BRF1: variants seen among roughly 807,000 people sequenced by gnomAD.
BRF1 encodes transcription factor IIIB 90 kDa subunit.
In BRF1, 59 loss-of-function variants were observed where a neutral mutation model predicts 81.7. That is an observed-to-expected ratio of 0.72 (90% confidence interval 0.59 to 0.90). BRF1 has a LOEUF of 0.90. Ranked by LOEUF, BRF1 falls within the 40% of genes least tolerant of loss-of-function variation. The probability of loss-of-function intolerance (pLI) is 0.00; values close to 1 mark genes in which losing one functional copy is unlikely to be tolerated. For synonymous variants in BRF1, 491 were observed against 395.6 expected (o/e 1.24, Z -2.86); for missense variants, 1,050 against 936.3 (o/e 1.12, Z -1.58).
rs2056663434 is a variant in BRF1, at chr14:105,271,702, G to A, written c.439+1019C>T. Among the ~76,000 whole-genome samples, 1 of 152,230 alleles carries A rather than the reference G, an allele frequency of 6.6e-6. No individual in the cohort carries two copies. The highest frequency in any genetic ancestry group is 6.5e-5 in the Admixed American group (1 of 15,290). On this transcript the variant is annotated intron_variant, in intron 3 of 17. Coordinates refer to ENST00000547530, the MANE Select transcript of BRF1 (RefSeq NM_001519.4). This position sits in a 1 kb window ranked among gnomAD's most constrained non-coding sequence, Gnocchi z 5.5. ...CTGGGCTCCCTGTCAAGAGGCCGAA[G>A]GCAGCTCCTGACCCATGTGTGTGTC...
chr14:105,279,552 C>T (rs1456163423), intron 2 of BRF1, among the ~76,000 whole-genome samples: 2 of 152,178 alleles, frequency 1.3e-5, no homozygotes, highest in African/African-American at 4.8e-5. Context: ...GCTGATGATG[C>T]CACATGTGAA....
At chr14:105,212,312 T>C (rs1890247287) in intron 15 of BRF1, 148 bp from the exon 16 acceptor site, 2 of 1,039,940 alleles carry the variant, frequency 1.9e-6, no homozygotes, top group Non-Finnish European at 2.8e-6. Flanking sequence ...AGGTTCTGTG[T>C]GCTCCATCAG....
At chr14:105,229,473 A>G (rs939868796) in intron 6 of BRF1, among the ~76,000 whole-genome samples, 2 of 152,198 alleles carry the variant, frequency 1.3e-5, no homozygotes, top group East Asian at 3.8e-4. Flanking sequence ...AAGGGCCCGG[A>G]TGAGGAGTGA....
chr14:105,217,832 G>A (rs750168614), intron 14 of BRF1, 32 bp from the exon 15 acceptor site: 1 of 1,603,324 alleles, frequency 6.2e-7, no homozygotes, highest in South Asian at 1.1e-5. Flanking sequence ...TGCCTCCCGT[G>A]AGTCACGCCC....
At position 105,226,283 on chromosome 14, in the gene BRF1, T is replaced by C; in HGVS notation, c.923A>G (p.Gln308Arg). 1 of 1,614,052 alleles carries C rather than the reference T, an allele frequency of 6.2e-7. No individual in the cohort carries two copies. The highest frequency in any genetic ancestry group is 8.5e-7 in the Non-Finnish European group (1 of 1,180,038). ...CTCCTCCAGTTTTTTTGACAGGACT[T>C]GTTCAAGCTGAAAGGGAACAGGGCA... ...QRKLRMKQLE[Q>R]VLSKKLEEVE... Residue 308 changes from glutamine (Q) to arginine (R), a missense_variant, in exon 9 of 18, where the codon CAA (glutamine) becomes CGA (arginine). By Grantham distance (43) the Gln-to-Arg change is conservative (BLOSUM62 1). Around this residue, in one of 2 missense-constraint regions of BRF1, gnomAD observed 1,043 missense variants for 915.4 expected, o/e 1.14. Transcript: ENST00000547530.
intron 5 of BRF1, chr14:105,249,873 G>GT: frequency 6.2e-7 from 1 of 1,612,154 alleles, no homozygotes; most frequent in Non-Finnish European, 8.5e-7. Context: ...ATGGCCCTAC[G>GT]GTCCGAAGGC....
intron 5 of BRF1, chr14:105,250,261 C>T (rs1162712558): frequency 6.2e-7 from 1 of 1,613,136 alleles, no homozygotes; most frequent in South Asian, 1.1e-5. Context: ...ACCGCAGCAA[C>T]CAGTGGCGGT....
Position 105,284,618 on chromosome 14 carries a change from G to A in BRF1, c.265+1678C>T, listed in dbSNP as rs587747763. ...CAAGAATCCCTCACGTGGTCCTCAGGTTCCTGAGAGTGTACTCAATGAAAC... is the reference window on the plus strand; with the variant it reads ...CAAGAATCCCTCACGTGGTCCTCAGATTCCTGAGAGTGTACTCAATGAAAC... On this transcript the variant is annotated intron_variant, in intron 2 of 17. Transcript: ENST00000547530. The surrounding 1 kb of genome is among the most constrained non-coding windows in gnomAD (Gnocchi z 4.0). Among the ~76,000 whole-genome samples, 1 of 152,252 alleles carries A rather than the reference G, an allele frequency of 6.6e-6. No homozygotes were observed. The highest frequency in any genetic ancestry group is 1.9e-4 in the East Asian group (1 of 5,190).
chr14:105,300,501 G>C lies in BRF1; in HGVS notation c.129C>G (p.Phe43Leu). The C allele has an allele frequency of 6.5e-7, 1 of 1,537,424 alleles. No homozygotes were observed. The highest frequency in any genetic ancestry group is 8.7e-7 in the Non-Finnish European group (1 of 1,144,612). The change falls in exon 1 of 18, where the codon TTC becomes TTG. Residue 43 changes from phenylalanine (F) to leucine (L), a missense_variant. Transcript: ENST00000547530. Reference protein sequence around the residue: ...EDNIIVSEVQFVESSGGGSSA... With the variant: ...EDNIIVSEVQLVESSGGGSSA... ...AGGAGCCGCCGCCGCTGCTCTCCAC[G>C]AACTGCACCTCGGACACGATGATGT...
At chr14:105,273,624 A>G (rs1402545912) in intron 2 of BRF1, among the ~76,000 whole-genome samples, 1 of 152,174 alleles carries the variant, frequency 6.6e-6, no homozygotes, top group African/African-American at 2.4e-5. Context: ...CCTGGAGCTC[A>G]CAGAAACCTG....
At chr14:105,272,081 G>T (rs587757290) in intron 3 of BRF1, among the ~76,000 whole-genome samples, 1 of 86,612 alleles carries the variant, frequency 1.2e-5, no homozygotes, top group Non-Finnish European at 2.5e-5. Flanking sequence ...CTGCAGTCAC[G>T]GTGTCCACGC....
chr14:105,278,840 C>T (rs919438539), intron 2 of BRF1, among the ~76,000 whole-genome samples: 7 of 151,988 alleles, frequency 4.6e-5, no homozygotes, highest in African/African-American at 1.5e-4. Flanking sequence ...GTCAAGAGAT[C>T]GAGACCATCC....
chr14:105,248,829 T>C (rs2055349928), intron 5 of BRF1: 3 of 987,410 alleles, frequency 3.0e-6, no homozygotes, highest in Non-Finnish European at 3.6e-6. Context: ...GGGCGCGGCG[T>C]CCACAGGCGC....
chr14:105,295,840 G>C (rs1216542422), intron 1 of BRF1, among the ~76,000 whole-genome samples: 1 of 150,492 alleles, frequency 6.6e-6, no homozygotes, highest in African/African-American at 2.4e-5. Context: ...GAACTTTCAG[G>C]GGCCAAGGCA....
chr14:105,215,897 GCACA>G (rs775156139), intron 15 of BRF1, among the ~76,000 whole-genome samples: 22 of 100,464 alleles, frequency 2.2e-4, no homozygotes, highest in South Asian at 1.3e-3. Flanking sequence ...ACAGACACAG[GCACA>G]CACACACTGC....
chr14:105,290,353 AG>A (rs2057468463), intron 1 of BRF1, among the ~76,000 whole-genome samples: 1 of 152,146 alleles, frequency 6.6e-6, no homozygotes, highest in Non-Finnish European at 1.5e-5. Flanking sequence ...TGGGAGGCAG[AG>A]GTTGTGGTGA....
intron 2 of BRF1, among the ~76,000 whole-genome samples, chr14:105,285,050 A>C (rs1449602209): frequency 3.3e-5 from 5 of 152,246 alleles, no homozygotes; most frequent in Non-Finnish European, 7.3e-5. Flanking sequence ...TCCTGTATTC[A>C]GGTATCAGAA....
chr14:105,241,053 T>C (rs751898007), intron 6 of BRF1, among the ~76,000 whole-genome samples: 13 of 152,164 alleles, frequency 8.5e-5, no homozygotes, highest in Non-Finnish European at 1.6e-4. Flanking sequence ...TTCTGCCCCT[T>C]ATGCCAGGAC....
intron 6 of BRF1, among the ~76,000 whole-genome samples, chr14:105,229,346 G>A (rs1157443995): frequency 6.6e-6 from 1 of 152,226 alleles, no homozygotes; most frequent in East Asian, 1.9e-4. Context: ...AACCTCCAGT[G>A]CAAACATGGA....
Sources: allele counts gnomAD v4.1 joint callset (sites outside exome capture counted in the v4.1 genomes callset), GRCh38; gene constraint gnomAD v4.1.1; regional missense constraint gnomAD v4.1.1; non-coding constraint Gnocchi (gnomAD v3.1); transcripts MANE v1.5; gene names NCBI Gene and HGNC (gene_info 2026-07-23, HGNC 2026-07-21).